Variants in NSD3 observed in about 807,000 individuals in gnomAD.
NSD3 encodes histone-lysine N-methyltransferase NSD3.
A neutral mutation model predicts 160.8 loss-of-function variants in NSD3; 24 were observed. The observed-to-expected ratio is 0.15, with a 90% CI of 0.11 to 0.21. NSD3 has a LOEUF of 0.21. Among genes scored for constraint, NSD3 ranks in the 10% least tolerant of loss-of-function variants. The probability of loss-of-function intolerance (pLI) is 1.00; values close to 1 mark genes in which losing one functional copy is unlikely to be tolerated. For synonymous variants in NSD3, 520 were observed against 600.0 expected, an observed-to-expected ratio of 0.87 and a Z score of 1.95; for missense variants, 1,157 against 1,735.9, an observed-to-expected ratio of 0.67 and a Z score of 5.93.
At chr8:38,353,913 C>CT (rs1385517018) in intron 1 of NSD3, among the ~76,000 whole-genome samples, 1 of 152,170 alleles carries the variant, frequency 6.6e-6, no homozygotes, top group African/African-American at 2.4e-5. Flanking sequence ...ATCCTGTGCT[C>CT]TTTTTCACAA....
At chr8:38,305,712 T>A (rs1809377052) in intron 12 of NSD3, among the ~76,000 whole-genome samples, 1 of 152,176 alleles carries the variant, frequency 6.6e-6, no homozygotes. Flanking sequence ...AGAACAGAAT[T>A]TGTTTGACAT....
chr8:38,319,029 G>T lies in NSD3; in HGVS notation c.1810-89C>A. 1 of 1,109,072 alleles carries T rather than the reference G, an allele frequency of 9.0e-7. No homozygotes were observed. The highest frequency in any genetic ancestry group is 1.3e-6 in the Non-Finnish European group (1 of 752,672). The allele number at this position is 1,109,072 out of a possible 1,614,324, so 68.7% of individuals were successfully genotyped here. ...GGAAAAGATACTTTCATCAATCTAA[G>T]CAATGATGAGTGATTAATGTATCTG... On this transcript the variant is annotated intron_variant, in intron 8 of 23. Coordinates refer to ENST00000317025, the MANE Select transcript of NSD3 (RefSeq NM_023034.2). The surrounding 1 kb of genome is among the most constrained non-coding windows in gnomAD (Gnocchi z 4.1).
In NSD3 at chr8:38,302,614, T is replaced by C. The variant is rs182575981; in HGVS notation, c.2611+1973A>G. ...TTATTCTCAGAATTTAATCAAGTTA[T>C]GTAAGTTAAATTTAACAAAGTGGCT... On this transcript the variant is annotated intron_variant, in intron 14 of 23. Transcript: ENST00000317025. 1.7e-3 allele frequency among the ~76,000 whole-genome samples: 260 copies of C among 152,386 alleles called. 2 individuals are homozygous for C. Among genetic ancestry groups the C allele is most frequent in the African/African-American group, 5.9e-3 (244 of 41,590 alleles).
intron 4 of NSD3, among the ~76,000 whole-genome samples, chr8:38,334,745 C>T (rs1338085062): frequency 6.7e-6 from 1 of 149,890 alleles, no homozygotes; most frequent in Non-Finnish European, 1.5e-5. Context: ...GGGCAACAAT[C>T]CATCTCAAAA....
chr8:38,287,877 C>T (rs1309717876), intron 19 of NSD3, among the ~76,000 whole-genome samples: 1 of 152,150 alleles, frequency 6.6e-6, no homozygotes, highest in Non-Finnish European at 1.5e-5. Flanking sequence ...TGGTCTCAAT[C>T]TCCTGACCTC....
chr8:38,348,351 T>C, intron 1 of NSD3, 136 bp from the exon 2 acceptor site: 1 of 585,218 alleles, frequency 1.7e-6, no homozygotes, highest in Non-Finnish European at 2.8e-6. Flanking sequence ...TAAATATTTC[T>C]AAAACAGATA....
intron 4 of NSD3, among the ~76,000 whole-genome samples, chr8:38,334,013 G>A (rs546743985): frequency 2.6e-5 from 4 of 152,226 alleles, no homozygotes; most frequent in Non-Finnish European, 4.4e-5. Context: ...TATCTCCCAT[G>A]TATACATGCA....
At position 38,299,565 on chromosome 8, in the gene NSD3, G is replaced by A. The variant is rs1809234064; in HGVS notation, c.2637C>T (p.Asp879=). The change falls in exon 15 of 24, where the codon GAC becomes GAT. Residue 879 remains aspartate (D), a synonymous_variant. Transcript: ENST00000317025. ...ARGLIVQDHS[D]PMFSSYAYKS... ...TATAGGCATATGAACTGAACATGGG[G>A]TCTGAATGGTCCTGAACTATCAGCC... The A allele has an allele frequency of 6.2e-7, 1 of 1,611,880 alleles. No individual in the cohort carries two copies. Among genetic ancestry groups the A allele is most frequent in the Non-Finnish European group, 8.5e-7 (1 of 1,179,124 alleles).
intron 1 of NSD3, among the ~76,000 whole-genome samples, chr8:38,350,052 A>G (rs1198104811): frequency 1.3e-5 from 2 of 152,002 alleles, no homozygotes; most frequent in African/African-American, 4.8e-5. Context: ...TCCATGGTGT[A>G]TATGTGCCAC....
At chr8:38,284,190 C>T (rs1361556864) in intron 19 of NSD3, among the ~76,000 whole-genome samples, 1 of 152,236 alleles carries the variant, frequency 6.6e-6, no homozygotes, top group African/African-American at 2.4e-5. Flanking sequence ...TCCTTTCTCA[C>T]AAAGGACATG....
At chr8:38,360,322 T>C (rs985516740) in intron 1 of NSD3, among the ~76,000 whole-genome samples, 2 of 152,222 alleles carry the variant, frequency 1.3e-5, no homozygotes, top group Admixed American at 6.5e-5. Context: ...TGCATATACT[T>C]GGACTTCTCA....
rs1444359234 is a variant in NSD3 at position 38,304,716 on chromosome 8, A to C, written c.2482T>G (p.Ser828Ala). The change falls in exon 14 of 24, where the codon TCT (serine) becomes GCT (alanine). Residue 828 changes from serine to alanine, a missense_variant. By Grantham distance (99) the Ser-to-Ala change is moderately conservative. Coordinates refer to ENST00000317025, the MANE Select transcript of NSD3 (RefSeq NM_023034.2). ...RCLRCPVAYHSGDACIAAGSM... is the reference protein window; with the variant it reads ...RCLRCPVAYHAGDACIAAGSM... Reference sequence around the variant, plus strand: ...CCGGCCGCAATGCAAGCATCTCCAGAGTGATAGGCAACTGGACATCTTAAA... The same window carrying C: ...CCGGCCGCAATGCAAGCATCTCCAGCGTGATAGGCAACTGGACATCTTAAA... 6.2e-7 allele frequency: 1 copy of C among 1,613,760 alleles called. No individual in the cohort carries two copies. The highest frequency in any genetic ancestry group is 1.7e-5 in the Admixed American group (1 of 59,974).
At chr8:38,343,649 G>A (rs1292027158) in intron 2 of NSD3, among the ~76,000 whole-genome samples, 1 of 152,178 alleles carries the variant, frequency 6.6e-6, no homozygotes, top group Non-Finnish European at 1.5e-5. Context: ...GTTGCAGTGA[G>A]CCGAGACTGC....
intron 3 of NSD3, among the ~76,000 whole-genome samples, chr8:38,338,178 T>G (rs1254843752): frequency 1.3e-5 from 2 of 152,018 alleles, no homozygotes; most frequent in Non-Finnish European, 2.9e-5. Context: ...CACGTGCCTG[T>G]CATCCCAGCT....
chr8:38,334,147 T>G (rs1333660981), intron 4 of NSD3, among the ~76,000 whole-genome samples: 2 of 152,368 alleles, frequency 1.3e-5, no homozygotes, highest in South Asian at 2.1e-4. Context: ...GTCAGAAAAC[T>G]ACTGCATTTA....
intron 1 of NSD3, among the ~76,000 whole-genome samples, chr8:38,374,107 C>T (rs1000892131): frequency 7.3e-5 from 11 of 151,274 alleles, no homozygotes; most frequent in Admixed American, 4.0e-4. Context: ...AGAGGAAGAC[C>T]CTGTCTCAAA....
At chr8:38,278,027 A>C (rs930626231) in intron 22 of NSD3, among the ~76,000 whole-genome samples, 15 of 150,042 alleles carry the variant, frequency 1.0e-4, no homozygotes, top group Admixed American at 3.4e-4. Flanking sequence ...CAAGCTCCGC[A>C]TCCCGGGTTC....
chr8:38,302,804 C>A (rs1422448889), intron 14 of NSD3, among the ~76,000 whole-genome samples: 1 of 152,058 alleles, frequency 6.6e-6, no homozygotes, highest in Non-Finnish European at 1.5e-5. Flanking sequence ...TTGGCTAATT[C>A]CTTTATGTTT....
chr8:38,376,995 ACT>A (rs912201896), intron 1 of NSD3, among the ~76,000 whole-genome samples: 17 of 151,380 alleles, frequency 1.1e-4, no homozygotes, highest in African/African-American at 3.9e-4. Flanking sequence ...TACTTACAAG[ACT>A]CTTTAAAAAA....
Sources: gnomAD v4.1 joint callset for allele counts (sites outside exome capture counted in the v4.1 genomes callset) on GRCh38, gnomAD v4.1.1 for gene constraint, Gnocchi (gnomAD v3.1) non-coding constraint, MANE v1.5 for transcripts, NCBI Gene and HGNC (gene_info 2026-07-23, HGNC 2026-07-21) for gene names.